Variants in IQUB observed in about 807,000 individuals in gnomAD.
IQUB encodes the protein IQ motif and ubiquitin domain containing.
IQUB carries 86 observed loss-of-function variants against 86.4 expected under a neutral mutation model. The observed-to-expected ratio is 1.00, with a 90% confidence interval of 0.84 to 1.19. IQUB has a LOEUF of 1.19. Ranked by LOEUF, IQUB falls within the 50% of genes most tolerant of loss-of-function variation. The pLI is 0.00. For missense variants in IQUB, 946 were observed against 916.9 expected, an observed-to-expected ratio of 1.03 and a Z score of -0.41; for synonymous variants, 289 against 304.5, an observed-to-expected ratio of 0.95 and a Z score of 0.53.
chr7:123,500,946 CCTTA>C (rs1795917832), intron 6 of IQUB: 1 of 152,002 alleles, frequency 6.6e-6, no homozygotes, highest in Non-Finnish European at 1.5e-5. Context: ...ATTTCCATTT[CCTTA>C]CTTAATATCC....
At chr7:123,475,575 G>C (rs1794712796) in intron 8 of IQUB, among the ~76,000 whole-genome samples, 2 of 151,804 alleles carry the variant, frequency 1.3e-5, no homozygotes, top group African/African-American at 4.8e-5. Flanking sequence ...ACTGGGGTAG[G>C]GAATGTTCTG....
rs1027152424 is a variant in IQUB, at chr7:123,452,943, A to G, written c.2194-18T>C. On this transcript the variant is annotated intron_variant, in intron 12 of 12. Transcript: ENST00000324698. ...TCATATCCCTGCAAAGAAAAAAATC[A>G]AATTCTAGTAAATATCACAGATATA... The G allele has an allele frequency of 3.9e-5, 61 of 1,578,510 alleles. No individual in the cohort carries two copies. The highest frequency in any genetic ancestry group is 5.0e-5 in the Non-Finnish European group (58 of 1,157,540).
intron 8 of IQUB, among the ~76,000 whole-genome samples, chr7:123,476,865 G>T (rs934615693): frequency 6.6e-6 from 1 of 151,946 alleles, no homozygotes; most frequent in African/African-American, 2.4e-5. Flanking sequence ...GAGGTATTAG[G>T]AATCCAACTT....
intron 7 of IQUB, among the ~76,000 whole-genome samples, chr7:123,492,304 T>C (rs1170153576): frequency 6.6e-6 from 1 of 152,230 alleles, no homozygotes; most frequent in Non-Finnish European, 1.5e-5. Flanking sequence ...AAGGAACGAC[T>C]GGATGTTCAA....
intron 1 of IQUB, among the ~76,000 whole-genome samples, chr7:123,524,275 A>G (rs1213935765): frequency 5.6e-4 from 79 of 140,790 alleles, no homozygotes; most frequent in Non-Finnish European, 7.0e-4. Flanking sequence ...ATGGCATTGA[A>G]TCTGTAAATT....
At chr7:123,525,606 G>A (rs1250282848) in intron 1 of IQUB, among the ~76,000 whole-genome samples, 8 of 151,268 alleles carry the variant, frequency 5.3e-5, no homozygotes, top group Non-Finnish European at 7.4e-5. Flanking sequence ...TTCTTTATTC[G>A]TCTTGCTAGC....
In IQUB at chr7:123,452,631, AAAAAC is replaced by A. The variant is rs1369202639; in HGVS notation, c.*107_*111del. 1 of 635,860 alleles carries A rather than the reference AAAAAC, an allele frequency of 1.6e-6. No homozygotes were observed. The highest frequency in any genetic ancestry group is 3.1e-5 in the East Asian group (1 of 32,214). 39.4% of individuals were successfully genotyped at this position (635,860 alleles called of 1,614,324 possible). On this transcript the variant is annotated 3_prime_UTR_variant, in exon 13 of 13. Coordinates refer to ENST00000324698, the MANE Select transcript of IQUB (RefSeq NM_178827.5). ...ATAACTCAAAATACTATGAAAAACA[AAAAAC>A]AAAATCAATAAACAGATTAAATTCC...
intron 2 of IQUB, among the ~76,000 whole-genome samples, chr7:123,510,667 G>A (rs1290974383): frequency 6.6e-6 from 1 of 152,008 alleles, no homozygotes; most frequent in Non-Finnish European, 1.5e-5. Flanking sequence ...AAAAAGTTTT[G>A]TATATTTCTA....
chr7:123,533,454 T>G (rs573057962), intron 1 of IQUB, among the ~76,000 whole-genome samples: 1 of 152,360 alleles, frequency 6.6e-6, no homozygotes, highest in African/African-American at 2.4e-5. Flanking sequence ...TGCCCTTATA[T>G]TTCCCATTGT....
intron 8 of IQUB, among the ~76,000 whole-genome samples, chr7:123,479,264 T>A (rs79804209): frequency 6.6e-6 from 1 of 152,140 alleles, no homozygotes; most frequent in African/African-American, 2.4e-5. Context: ...ACAAAAGTGG[T>A]AATTACTTTA....
intron 10 of IQUB, among the ~76,000 whole-genome samples, chr7:123,461,984 A>G (rs1297362239): frequency 1.3e-5 from 2 of 151,860 alleles, no homozygotes; most frequent in Non-Finnish European, 2.9e-5. Flanking sequence ...AGATTCGCAT[A>G]TAAGTAAAAA....
intron 8 of IQUB, among the ~76,000 whole-genome samples, chr7:123,475,732 C>T (rs1028883766): frequency 2.0e-5 from 3 of 152,104 alleles, no homozygotes; most frequent in African/African-American, 7.2e-5. Context: ...CACCCATCTT[C>T]CCTGTCCATG....
chr7:123,496,949 C>A (rs1219258055), intron 6 of IQUB, 43 bp from the exon 7 acceptor site: 10 of 1,275,526 alleles, frequency 7.8e-6, no homozygotes, highest in Non-Finnish European at 1.1e-5. Context: ...CTATCATCAA[C>A]TTTTTGATCA....
intron 8 of IQUB, among the ~76,000 whole-genome samples, chr7:123,478,818 G>T (rs1446579953): frequency 2.6e-5 from 4 of 152,110 alleles, no homozygotes; most frequent in Admixed American, 1.3e-4. Flanking sequence ...AGGTGAGGGG[G>T]CAAGGGATGG....
intron 8 of IQUB, among the ~76,000 whole-genome samples, chr7:123,478,398 A>G (rs1794841763): frequency 6.6e-6 from 1 of 152,088 alleles, no homozygotes; most frequent in African/African-American, 2.4e-5. Context: ...CAGGGTGGGG[A>G]ACATCACACA....
intron 6 of IQUB, among the ~76,000 whole-genome samples, chr7:123,497,474 G>A (rs1198693861): frequency 6.6e-6 from 1 of 152,066 alleles, no homozygotes; most frequent in Non-Finnish European, 1.5e-5. Flanking sequence ...AGATAAAATG[G>A]AGACTGAAGC....
chr7:123,523,123 T>C (rs1439253100), intron 1 of IQUB, among the ~76,000 whole-genome samples: 4 of 151,862 alleles, frequency 2.6e-5, no homozygotes, highest in Admixed American at 6.6e-5. Context: ...TTTGGGTTGG[T>C]TCCAGGTCTT....
At chr7:123,456,553 A>G (rs886710987) in intron 12 of IQUB, 5 of 151,738 alleles carry the variant, frequency 3.3e-5, no homozygotes, top group Non-Finnish European at 7.4e-5. Flanking sequence ...TGTTCCACTG[A>G]AAAAAAACAA....
intron 6 of IQUB, 94 bp downstream of exon 6, chr7:123,502,503 T>C (rs759654758): frequency 9.0e-7 from 1 of 1,111,008 alleles, no homozygotes; most frequent in Non-Finnish European, 1.3e-6. Context: ...GCATTCTTTC[T>C]CAAGCAAATG....
Sources: allele counts gnomAD v4.1 joint callset (sites outside exome capture counted in the v4.1 genomes callset), GRCh38; gene constraint gnomAD v4.1.1; transcripts MANE v1.5; gene names NCBI Gene and HGNC (gene_info 2026-07-23, HGNC 2026-07-21).